MED4: variants seen among roughly 807,000 people sequenced by gnomAD.
MED4 encodes the protein mediator of RNA polymerase II transcription subunit 4.
Under a neutral mutation model 35.0 loss-of-function variants are expected in MED4, and 21 were observed. That is an observed-to-expected ratio of 0.60 (90% CI 0.43 to 0.86). The LOEUF is 0.86. Among genes scored for constraint, MED4 ranks in the 40% least tolerant of loss-of-function variants. The probability of loss-of-function intolerance (pLI) is 0.00; values close to 1 mark genes in which losing one functional copy is unlikely to be tolerated. For missense variants in MED4, 300 were observed against 319.4 expected (o/e 0.94, Z 0.46); for synonymous variants, 138 against 114.0 (o/e 1.21, Z -1.34).
At chr13:48,093,585 C>A (rs747625085) in intron 1 of MED4, 8 of 470,518 alleles carry the variant, frequency 1.7e-5, no homozygotes, top group South Asian at 9.3e-5. Context: ...GGAAGCCAGT[C>A]ACACCACCAG....
chr13:48,094,272 T>C (rs966841611), intron 1 of MED4, among the ~76,000 whole-genome samples: 5 of 152,060 alleles, frequency 3.3e-5, no homozygotes, highest in African/African-American at 1.2e-4. Context: ...CCAAGATAAT[T>C]TACCATCCAA....
rs201953613 is a variant in MED4 at position 48,077,163 on chromosome 13, T to C, written c.789A>G (p.Ser263=). The C allele has an allele frequency of 1.9e-6, 3 of 1,610,020 alleles. No individual in the cohort carries two copies. Among genetic ancestry groups the C allele is most frequent in the East Asian group, 4.5e-5 (2 of 44,362 alleles). ...TTCAATCAGACTCACTACTACTGCT[T>C]GAGGAGTCCGTTGACATAATCTCTA... is the stretch of plus-strand genomic sequence containing the variant. ...DDVEIMSTDS[S]SSSSESD The change falls in exon 7 of 7, where the codon TCA becomes TCG. Residue 263 remains serine, a synonymous_variant. Transcript: ENST00000258648.
chr13:48,094,202 G>A (rs1950909044), intron 1 of MED4, among the ~76,000 whole-genome samples: 1 of 152,212 alleles, frequency 6.6e-6, no homozygotes, highest in Non-Finnish European at 1.5e-5. Flanking sequence ...TTAAGAAGGA[G>A]TTATGAACAG....
intron 2 of MED4, among the ~76,000 whole-genome samples, chr13:48,089,145 T>C (rs971024488): frequency 6.6e-6 from 1 of 152,020 alleles, no homozygotes; most frequent in African/African-American, 2.4e-5. Context: ...GAGAGACTAG[T>C]AGTCTTCTAT....
chr13:48,089,307 G>A (rs1950873977), intron 2 of MED4, among the ~76,000 whole-genome samples: 1 of 152,112 alleles, frequency 6.6e-6, no homozygotes, highest in Non-Finnish European at 1.5e-5. Context: ...TATTGAGTCC[G>A]TCAGATTTCC....
At chr13:48,090,188 C>T (rs1402146412) in intron 2 of MED4, among the ~76,000 whole-genome samples, 164 bp downstream of exon 2, 1 of 151,980 alleles carries the variant, frequency 6.6e-6, no homozygotes, top group African/African-American at 2.4e-5. Flanking sequence ...GTAAATGATA[C>T]AAAGAAAATA....
chr13:48,085,769 A>C (rs1449526477), intron 3 of MED4, among the ~76,000 whole-genome samples: 1 of 152,230 alleles, frequency 6.6e-6, no homozygotes. Flanking sequence ...AGTAGCCAAG[A>C]ACAGCAAAGG....
chr13:48,079,127 C>G (rs1277871909), intron 6 of MED4, among the ~76,000 whole-genome samples: 1 of 152,052 alleles, frequency 6.6e-6, no homozygotes, highest in Non-Finnish European at 1.5e-5. Context: ...TCAGAATGAA[C>G]TGGGTCTCAC....
At chr13:48,083,312 G>T in intron 4 of MED4, 59 bp downstream of exon 4, 2 of 1,327,916 alleles carry the variant, frequency 1.5e-6, no homozygotes, top group Non-Finnish European at 2.1e-6. Flanking sequence ...CTCTTGTATT[G>T]GTTTCCTGAA....
chr13:48,092,131 G>A (rs747747100), intron 1 of MED4, among the ~76,000 whole-genome samples: 2 of 152,054 alleles, frequency 1.3e-5, no homozygotes, highest in Non-Finnish European at 2.9e-5. Context: ...TTTTGAGATG[G>A]AGTTTTGCTC....
At chr13:48,083,928 T>A (rs1950829248) in intron 3 of MED4, among the ~76,000 whole-genome samples, 1 of 152,158 alleles carries the variant, frequency 6.6e-6, no homozygotes, top group Non-Finnish European at 1.5e-5. Context: ...GAAGTTAACC[T>A]AGTATATGCA....
chr13:48,094,464 T>A (rs1950911716), intron 1 of MED4, among the ~76,000 whole-genome samples: 1 of 152,170 alleles, frequency 6.6e-6, no homozygotes. Flanking sequence ...TGCTGCCTAG[T>A]GAGTTTGGCG....
intron 3 of MED4, among the ~76,000 whole-genome samples, chr13:48,085,405 G>A (rs1245419040): frequency 2.0e-5 from 3 of 152,032 alleles, no homozygotes; most frequent in Non-Finnish European, 4.4e-5. Context: ...ACTGAGACTG[G>A]TCTCAATCAC....
At chr13:48,085,940 A>G (rs1950845261) in intron 3 of MED4, among the ~76,000 whole-genome samples, 2 of 151,550 alleles carry the variant, frequency 1.3e-5, no homozygotes, top group Admixed American at 1.3e-4. Context: ...GCTAAGGATC[A>G]GAGACCAAAA....
chr13:48,094,423 G>A (rs1278956350), intron 1 of MED4, among the ~76,000 whole-genome samples: 1 of 152,218 alleles, frequency 6.6e-6, no homozygotes, highest in Non-Finnish European at 1.5e-5. Flanking sequence ...CACCAAGCCA[G>A]GCTTTTTGCA....
At chr13:48,087,182 A>G (rs1242990913) in intron 2 of MED4, among the ~76,000 whole-genome samples, 2 of 151,882 alleles carry the variant, frequency 1.3e-5, no homozygotes, top group Non-Finnish European at 2.9e-5. Flanking sequence ...CCTGACCAAC[A>G]TGGAGAAACC....
intron 3 of MED4, among the ~76,000 whole-genome samples, chr13:48,085,569 C>CCAGG (rs1301871181): frequency 6.6e-6 from 1 of 152,144 alleles, no homozygotes; most frequent in Non-Finnish European, 1.5e-5. Flanking sequence ...CCTGAACTGC[C>CCAGG]CAGGCTTCTA....
At chr13:48,089,009 T>A (rs1287262869) in intron 2 of MED4, among the ~76,000 whole-genome samples, 2 of 152,230 alleles carry the variant, frequency 1.3e-5, no homozygotes, top group African/African-American at 4.8e-5. Flanking sequence ...TTCTGAATAA[T>A]CTGTGTGCCT....
chr13:48,089,435 T>C (rs1950874737), intron 2 of MED4, among the ~76,000 whole-genome samples: 1 of 152,222 alleles, frequency 6.6e-6, no homozygotes. Context: ...TCATTTTCTC[T>C]TAAACATTTT....
Sources: allele counts gnomAD v4.1 joint callset (sites outside exome capture counted in the v4.1 genomes callset), GRCh38; gene constraint gnomAD v4.1.1; transcripts MANE v1.5; gene names NCBI Gene and HGNC (gene_info 2026-07-23, HGNC 2026-07-21).